The following UTRN variants were observed in gnomAD, a reference collection of about 807,000 sequenced individuals.
The protein encoded by UTRN is utrophin, also known as dystrophin-related protein 1.
Under a neutral mutation model 463.9 loss-of-function variants are expected in UTRN, and 283 were observed. The ratio of observed to expected loss-of-function variants is 0.61; its 90% CI spans 0.55 to 0.67. UTRN has a LOEUF of 0.67. UTRN is among the 30% of genes least tolerant of loss of function. The pLI, the probability that UTRN is intolerant of heterozygous loss-of-function variation, is 0.00. For synonymous variants in UTRN, 1,442 were observed against 1,431.5 expected, an observed-to-expected ratio of 1.01 and a Z score of -0.17; for missense variants, 3,922 against 4,084.3, an observed-to-expected ratio of 0.96 and a Z score of 1.08.
At chr6:144,738,059 G>A (rs1789634451) in intron 54 of UTRN, among the ~76,000 whole-genome samples, 2 of 152,248 alleles carry the variant, frequency 1.3e-5, no homozygotes, top group South Asian at 4.1e-4. Flanking sequence ...GCTAACGAAA[G>A]GTAGATGCAA....
chr6:144,381,212 C>A (rs1780887939), intron 2 of UTRN, among the ~76,000 whole-genome samples: 1 of 152,084 alleles, frequency 6.6e-6, no homozygotes, highest in Non-Finnish European at 1.5e-5. Context: ...TATATTGTTC[C>A]CTGCTATATA....
intron 51 of UTRN, among the ~76,000 whole-genome samples, chr6:144,605,059 T>C (rs1450511542): frequency 1.3e-5 from 2 of 152,226 alleles, no homozygotes; most frequent in African/African-American, 4.8e-5. Context: ...TCTGTTGCTA[T>C]TGAGTAAAAC....
chr6:144,809,463 G>A lies in UTRN; in HGVS notation c.9357+6316G>A, dbSNP rs181998930. ...TGATTTGAGGTATCCTCATGCTGAAGAAATCCCAAGGTGGGATAAAGGGCT... is the reference window on the plus strand; with the variant it reads ...TGATTTGAGGTATCCTCATGCTGAAAAAATCCCAAGGTGGGATAAAGGGCT... On this transcript the variant is annotated intron_variant, in intron 65 of 74. Coordinates refer to ENST00000367545, the MANE Select transcript of UTRN (RefSeq NM_007124.3). Among the ~76,000 whole-genome samples, 13 of 152,136 alleles carry A rather than the reference G, an allele frequency of 8.5e-5. No individual in the cohort carries two copies. In the South Asian group the frequency reaches 2.1e-3, roughly 24 times the overall value.
chr6:144,310,221 T>A (rs1389401873), intron 2 of UTRN, among the ~76,000 whole-genome samples: 1 of 152,224 alleles, frequency 6.6e-6, no homozygotes, highest in Admixed American at 6.5e-5. Context: ...GGCTACATAG[T>A]GAAACCCCAT....
chr6:144,398,349 C>A, intron 2 of UTRN: 1 of 355,818 alleles, frequency 2.8e-6, no homozygotes, highest in Admixed American at 3.3e-5. Flanking sequence ...ACACTTGTGC[C>A]TTTTCACTTA....
intron 2 of UTRN, among the ~76,000 whole-genome samples, chr6:144,361,574 T>TA (rs532062201): frequency 1.2e-4 from 18 of 151,308 alleles, no homozygotes; most frequent in South Asian, 6.3e-4. Context: ...CCTTGTTCTT[T>TA]AAAAAAAAAT....
In UTRN at chr6:144,730,372, T is replaced by G. The variant is rs1374072473; in HGVS notation, c.7825T>G (p.Leu2609Val). 10 of 1,605,406 alleles carry G rather than the reference T, an allele frequency of 6.2e-6. No homozygotes were observed. Among genetic ancestry groups the G allele is most frequent in the Non-Finnish European group, 8.5e-6 (10 of 1,175,712 alleles). Residue 2609 changes from leucine to valine, a missense_variant, in exon 54 of 75, where the codon TTA (leucine) becomes GTA (valine). Leu to Val is a conservative substitution (Grantham distance 32). Around this residue, in one of 3 missense-constraint regions of UTRN, gnomAD observed 1,309 missense variants for 1,452.6 expected, o/e 0.90. Transcript: ENST00000367545. ...YDHCKALRRE[L>V]KEKEYSVLNA... ...CTTTTGAAAGGCCCTGAGACGGGAG[T>G]TAAAGGAGAAAGAATATTCTGTCCT...
At chr6:144,496,096 T>G (rs1451948879) in intron 33 of UTRN, among the ~76,000 whole-genome samples, 1 of 152,166 alleles carries the variant, frequency 6.6e-6, no homozygotes, top group South Asian at 2.1e-4. Flanking sequence ...TTGTTGAGCA[T>G]TTACTGTGAG....
chr6:144,403,302 T>A, intron 3 of UTRN, 118 bp downstream of exon 3: 1 of 809,224 alleles, frequency 1.2e-6, no homozygotes, highest in Non-Finnish European at 2.1e-6. Flanking sequence ...GTCTTCTGAG[T>A]ATGCAGATAC....
At chr6:144,499,534 C>T in intron 34 of UTRN, 107 bp downstream of exon 34, 1 of 909,828 alleles carries the variant, frequency 1.1e-6, no homozygotes, top group Non-Finnish European at 1.5e-6. Context: ...TTAAATCTAG[C>T]CTTTTCTTTT....
At chr6:144,493,915 G>A (rs1020793085) in intron 33 of UTRN, among the ~76,000 whole-genome samples, 1 of 152,136 alleles carries the variant, frequency 6.6e-6, no homozygotes, top group African/African-American at 2.4e-5. Context: ...AGGTGGGAGA[G>A]CTGCTTGAAC....
intron 2 of UTRN, among the ~76,000 whole-genome samples, chr6:144,359,919 A>T (rs1355348177): frequency 1.3e-5 from 2 of 152,152 alleles, no homozygotes; most frequent in Non-Finnish European, 2.9e-5. Flanking sequence ...AAATTTGAAT[A>T]TAAGGATAAT....
Position 144,540,445 on chromosome 6 carries a change from G to T in UTRN, c.6519+1002G>T, listed in dbSNP as rs80028398. Among the ~76,000 whole-genome samples, 6,940 of 152,076 alleles carry T rather than the reference G, an allele frequency of 0.046. 852 individuals carry two copies. The East Asian group carries it at 0.53, about 12-fold the overall frequency. On this transcript the variant is annotated intron_variant, in intron 45 of 74. Transcript: ENST00000367545. ...ATGATGCAGGTGCTTTATTGATCTGGTCTCTCTGATTGGGAATCACTGCCT... is the reference window on the plus strand; with the variant it reads ...ATGATGCAGGTGCTTTATTGATCTGTTCTCTCTGATTGGGAATCACTGCCT...
intron 52 of UTRN, 30 bp from the exon 53 acceptor site, chr6:144,700,057 G>A: frequency 3.9e-6 from 6 of 1,544,620 alleles, no homozygotes; most frequent in Non-Finnish European, 5.3e-6. Context: ...TCTAAATGTG[G>A]TTATTATTAT....
chr6:144,846,281 CCCA>C (rs1782005509), intron 73 of UTRN, among the ~76,000 whole-genome samples: 1 of 152,200 alleles, frequency 6.6e-6, no homozygotes, highest in Non-Finnish European at 1.5e-5. Flanking sequence ...CTATTATTAT[CCCA>C]AGTGTCCAGA....
chr6:144,459,127 G>T (rs1182705318), intron 20 of UTRN, 47 bp from the exon 21 acceptor site: 1 of 1,585,524 alleles, frequency 6.3e-7, no homozygotes, highest in Admixed American at 1.8e-5. Context: ...TTCCTGTGAG[G>T]ATGTTCATCT....
intron 53 of UTRN, among the ~76,000 whole-genome samples, chr6:144,704,103 C>G (rs1009265057): frequency 6.6e-6 from 1 of 152,164 alleles, no homozygotes; most frequent in Non-Finnish European, 1.5e-5. Context: ...ATATATTCAT[C>G]ATCCATTTAA....
At chr6:144,811,960 A>G (rs909247421) in intron 65 of UTRN, among the ~76,000 whole-genome samples, 7 of 152,156 alleles carry the variant, frequency 4.6e-5, no homozygotes, top group African/African-American at 1.7e-4. Flanking sequence ...CTTTTTTTAT[A>G]TAACCTTGAT....
chr6:144,768,955 T>G lies in UTRN; in HGVS notation c.8496-2952T>G, dbSNP rs201591314. ...ATTGCTACTTTGTTTTTTGTTTTGT[T>G]TTGTTTTTTTTTTTTTAATTTTATT... On this transcript the variant is annotated intron_variant, in intron 58 of 74. Transcript: ENST00000367545. Among the ~76,000 whole-genome samples, 7 of 127,882 alleles carry G rather than the reference T, an allele frequency of 5.5e-5. No homozygotes were observed. The East Asian group carries it at 1.8e-3, about 33-fold the overall frequency. The allele number at this position is 127,882 out of a possible 152,430, so 83.9% of individuals were successfully genotyped here.
Sources: gnomAD v4.1 joint callset for allele counts (sites outside exome capture counted in the v4.1 genomes callset) on GRCh38, gnomAD v4.1.1 for gene constraint, gnomAD v4.1.1 regional missense constraint, MANE v1.5 for transcripts, NCBI Gene and HGNC (gene_info 2026-07-23, HGNC 2026-07-21) for gene names.